Variants in CSNK2A2 observed in about 807,000 individuals in gnomAD.
CSNK2A2 encodes the protein casein kinase 2 alpha 2.
Under a neutral mutation model 54.0 loss-of-function variants are expected in CSNK2A2, and 8 were observed. The ratio of observed to expected loss-of-function variants is 0.15; its 90% CI spans 0.09 to 0.27. The LOEUF (loss-of-function observed/expected upper bound fraction) is 0.27. CSNK2A2 is among the 10% of genes least tolerant of loss of function. The pLI, the probability that CSNK2A2 is intolerant of heterozygous loss-of-function variation, is 1.00. For missense variants in CSNK2A2, 242 were observed against 439.4 expected, an observed-to-expected ratio of 0.55 and a Z score of 4.02; for synonymous variants, 141 against 153.9, an observed-to-expected ratio of 0.92 and a Z score of 0.62.
chr16:58,190,737 A>G (rs1962304061), intron 2 of CSNK2A2, among the ~76,000 whole-genome samples: 1 of 152,236 alleles, frequency 6.6e-6, no homozygotes, highest in South Asian at 2.1e-4. Context: ...AAAAACCAGA[A>G]AAGAAGTGTT....
chr16:58,197,725 C>G lies in CSNK2A2; in HGVS notation c.12G>C (p.Pro4=). The G allele has an allele frequency of 1.4e-6, 2 of 1,461,082 alleles. No individual in the cohort carries two copies. The highest frequency in any genetic ancestry group is 9.1e-7 in the Non-Finnish European group (1 of 1,099,654). 90.5% of individuals were successfully genotyped at this position (1,461,082 alleles called of 1,614,324 possible). MPG[P]AAGSRARVYA... ...AGACCCGGGCCCTGCTGCCCGCGGCCGGGCCGGGCATGGCGGGCGGGACCG... is the reference window on the plus strand; with the variant it reads ...AGACCCGGGCCCTGCTGCCCGCGGCGGGGCCGGGCATGGCGGGCGGGACCG... Residue 4 remains proline (P), a synonymous_variant, in exon 1 of 12, where the codon CCG becomes CCC. Coordinates refer to ENST00000262506, the MANE Select transcript of CSNK2A2 (RefSeq NM_001896.4). The surrounding 1 kb of genome is among the most constrained non-coding windows in gnomAD (Gnocchi z 4.0).
intron 9 of CSNK2A2, 34 bp downstream of exon 9, chr16:58,166,550 A>C: frequency 7.0e-7 from 1 of 1,430,098 alleles, no homozygotes; most frequent in Non-Finnish European, 9.8e-7. Context: ...GAAACGGGGT[A>C]AGGTAAAGCA....
intron 11 of CSNK2A2, chr16:58,163,154 G>A (rs1035837331): frequency 6.7e-6 from 1 of 149,190 alleles, no homozygotes; most frequent in African/African-American, 2.5e-5. Flanking sequence ...TTTAGTTATG[G>A]TTGTGAACAA....
rs71155249 is a variant in CSNK2A2, at chr16:58,182,374, CAAAAAAAAAAAAAAA to C, written c.369+1871_369+1885del. ...AAAACCCCATTTCTACTAAATATACCAAAAAAAAAAAAAAAAAAAAAAAAAAAAAAACTAGCCAGG... is the reference window on the plus strand; with the variant it reads ...AAAACCCCATTTCTACTAAATATACCAAAAAAAAAAAAAAAACTAGCCAGG... On this transcript the variant is annotated intron_variant, in intron 4 of 11. Transcript: ENST00000262506. Among the ~76,000 whole-genome samples the C allele has an allele frequency of 6.2e-4, 16 of 25,750 alleles. 1 individual carries two copies. Among genetic ancestry groups the C allele is most frequent in the East Asian group, 4.1e-3 (3 of 728 alleles). The allele number at this position is 25,750 out of a possible 152,430, so 16.9% of individuals were successfully genotyped here.
chr16:58,166,957 T>C (rs1056950315), intron 8 of CSNK2A2, among the ~76,000 whole-genome samples: 2 of 152,178 alleles, frequency 1.3e-5, no homozygotes, highest in African/African-American at 4.8e-5. Context: ...TAAAATCTAG[T>C]TTTATTAGAC....
At chr16:58,164,442 C>G (rs757099465) in intron 10 of CSNK2A2, among the ~76,000 whole-genome samples, 1 of 152,172 alleles carries the variant, frequency 6.6e-6, no homozygotes, top group Non-Finnish European at 1.5e-5. Flanking sequence ...CATTTATTTT[C>G]TTTCAATATT....
chr16:58,164,219 C>A, intron 10 of CSNK2A2, 72 bp from the exon 11 acceptor site: 2 of 1,405,902 alleles, frequency 1.4e-6, no homozygotes, highest in Non-Finnish European at 1.0e-6. Flanking sequence ...GCAAACCCAC[C>A]CTTTCAACGG....
chr16:58,197,311 C>T lies in CSNK2A2; in HGVS notation c.104+322G>A, dbSNP rs1962483345. 3.2e-6 allele frequency: 1 copy of T among 317,402 alleles called. No individual in the cohort carries two copies. Among genetic ancestry groups the T allele is most frequent in the Admixed American group, 4.8e-5 (1 of 21,018 alleles). The allele number at this position is 317,402 out of a possible 1,614,324, so 19.7% of individuals were successfully genotyped here. On this transcript the variant is annotated intron_variant, in intron 1 of 11. Transcript: ENST00000262506. The surrounding 1 kb of genome is among the most constrained non-coding windows in gnomAD (Gnocchi z 4.0). ...CCAAAGGACAGCTGTTGACTTCCCA[C>T]CCCAGTGGAAACCCAGAAGTGTGAG...
chr16:58,173,261 T>C (rs560593268), intron 5 of CSNK2A2, among the ~76,000 whole-genome samples: 2 of 152,356 alleles, frequency 1.3e-5, no homozygotes, highest in African/African-American at 2.4e-5. Flanking sequence ...CCATTAGCCA[T>C]AAGAGTGAAC....
chr16:58,169,512 A>G (rs906733336), intron 5 of CSNK2A2, among the ~76,000 whole-genome samples: 3 of 152,122 alleles, frequency 2.0e-5, no homozygotes, highest in African/African-American at 7.2e-5. Flanking sequence ...CCTGGGCAAG[A>G]AAGGCGGGCA....
intron 11 of CSNK2A2, chr16:58,162,854 C>T (rs1186500360): frequency 6.6e-6 from 1 of 152,176 alleles, no homozygotes; most frequent in Non-Finnish European, 1.5e-5. Context: ...CCGGGAGCAC[C>T]ATTTTCTTCC....
rs1475154628 is a variant in CSNK2A2, at chr16:58,167,213, A to G, written c.720T>C (p.Tyr240=). The change falls in exon 8 of 12, where the codon TAT becomes TAC. Residue 240 remains tyrosine (Y), a synonymous_variant. Coordinates refer to ENST00000262506, the MANE Select transcript of CSNK2A2 (RefSeq NM_001896.4). ...CCAGAAAGCATTTGCTCACCTGGTC[A>G]TAGTTGTCCTGTCCATGGAAGAATG... ...REPFFHGQDN[Y]DQLVRIAKVL... The G allele has an allele frequency of 1.1e-5, 17 of 1,608,790 alleles. No homozygotes were observed. Among genetic ancestry groups the G allele is most frequent in the Middle Eastern group, 1.6e-4 (1 of 6,068 alleles).
chr16:58,171,958 C>CAT lies in CSNK2A2; in HGVS notation c.429+2491_429+2492dup, dbSNP rs71155247. The stretch of plus-strand genomic sequence containing the variant: ...CATGTACCACTACACCTGGAGCATG[C>CAT]ATATATATATATATATATATATTTT... On this transcript the variant is annotated intron_variant, in intron 5 of 11. Coordinates refer to ENST00000262506, the MANE Select transcript of CSNK2A2 (RefSeq NM_001896.4). 1.5e-3 allele frequency among the ~76,000 whole-genome samples: 48 copies of CAT among 31,326 alleles called. 1 individual carries two copies. The highest frequency in any genetic ancestry group is 4.4e-3 in the East Asian group (6 of 1,370). 20.6% of individuals were successfully genotyped at this position (31,326 alleles called of 152,430 possible).
At chr16:58,166,734 G>A (rs761983506) in intron 8 of CSNK2A2, 50 bp from the exon 9 acceptor site, 1 of 1,302,526 alleles carries the variant, frequency 7.7e-7, no homozygotes, top group Admixed American at 1.7e-5. Context: ...AACACACCAT[G>A]AGCCCGTGAG....
At position 58,197,587 on chromosome 16, in the gene CSNK2A2, G is replaced by C. The variant is rs781722523; in HGVS notation, c.104+46C>G. 7.4e-7 allele frequency: 1 copy of C among 1,356,440 alleles called. No homozygotes were observed. Among genetic ancestry groups the C allele is most frequent in the South Asian group, 1.3e-5 (1 of 77,624 alleles). 84.0% of individuals were successfully genotyped at this position (1,356,440 alleles called of 1,614,324 possible). ...TGCGGTTCGCAGGGGGTGGCCGGGC[G>C]GGGGCAGGGATCAGCGGGCCCGGCG... On this transcript the variant is annotated intron_variant, in intron 1 of 11. Coordinates refer to ENST00000262506, the MANE Select transcript of CSNK2A2 (RefSeq NM_001896.4). The surrounding 1 kb of genome is among the most constrained non-coding windows in gnomAD (Gnocchi z 4.0).
At chr16:58,194,921 C>CT (rs1227961770) in intron 2 of CSNK2A2, among the ~76,000 whole-genome samples, 343 of 141,840 alleles carry the variant, frequency 2.4e-3, no homozygotes, top group African/African-American at 7.9e-3. Flanking sequence ...AATGCTGTTC[C>CT]TTTAAAAAAA....
At chr16:58,169,766 A>AT (rs1361482019) in intron 5 of CSNK2A2, among the ~76,000 whole-genome samples, 1 of 152,078 alleles carries the variant, frequency 6.6e-6, no homozygotes, top group East Asian at 1.9e-4. Flanking sequence ...ACTTATCATT[A>AT]TAAGGCCAGG....
At chr16:58,165,298 C>A (rs1180108674) in intron 10 of CSNK2A2, among the ~76,000 whole-genome samples, 1 of 152,174 alleles carries the variant, frequency 6.6e-6, no homozygotes, top group African/African-American at 2.4e-5. Context: ...TAGAAACTTG[C>A]GATCTATTAA....
chr16:58,189,192 G>C (rs1962266617), intron 2 of CSNK2A2, among the ~76,000 whole-genome samples: 2 of 152,114 alleles, frequency 1.3e-5, no homozygotes, highest in South Asian at 4.2e-4. Context: ...CTGACCTCAG[G>C]TGATCCGCCT....
Sources: allele counts gnomAD v4.1 joint callset (sites outside exome capture counted in the v4.1 genomes callset), GRCh38; gene constraint gnomAD v4.1.1; non-coding constraint Gnocchi (gnomAD v3.1); transcripts MANE v1.5; gene names NCBI Gene and HGNC (gene_info 2026-07-23, HGNC 2026-07-21).